MIDEAS: variants seen among roughly 807,000 people sequenced by gnomAD.
The protein encoded by MIDEAS is mitotic deacetylase-associated SANT domain protein.
MIDEAS carries 26 observed loss-of-function variants against 102.7 expected under a neutral mutation model. The observed-to-expected ratio is 0.25, with a 90% CI of 0.19 to 0.35. The LOEUF is 0.35. MIDEAS is among the 10% of genes least tolerant of loss of function. MIDEAS has a pLI of 1.00. For synonymous variants in MIDEAS, 585 were observed against 591.0 expected, an observed-to-expected ratio of 0.99 and a Z score of 0.15; for missense variants, 1,231 against 1,435.6, an observed-to-expected ratio of 0.86 and a Z score of 2.30.
At position 73,725,382 on chromosome 14, in the gene MIDEAS, AG is replaced by A. The variant is rs772554353; in HGVS notation, c.2486-23del. The A allele has an allele frequency of 6.2e-7, 1 of 1,607,846 alleles. No homozygotes were observed. Among genetic ancestry groups the A allele is most frequent in the East Asian group, 2.2e-5 (1 of 44,820 alleles). ...GAGCCTATGGGGCAAAGAGGCAGCC[AG>A]GGAGTGAGGTGGGCAGGGCCCTGGC... On this transcript the variant is annotated intron_variant, in intron 8 of 12. Coordinates refer to ENST00000423556, the MANE Select transcript of MIDEAS (RefSeq NM_001367710.1). The surrounding 1 kb of genome is among the most constrained non-coding windows in gnomAD (Gnocchi z 4.1).
At chr14:73,758,711 A>G (rs1418106098) in intron 1 of MIDEAS, 3 of 154,468 alleles carry the variant, frequency 1.9e-5, no homozygotes, top group Non-Finnish European at 4.4e-5. Flanking sequence ...AATGGGGCAT[A>G]TAACTTCCCC....
At chr14:73,756,848 C>T (rs551899460) in intron 1 of MIDEAS, among the ~76,000 whole-genome samples, 11 of 152,192 alleles carry the variant, frequency 7.2e-5, no homozygotes, top group Non-Finnish European at 1.5e-4. Context: ...CCAGAATCAC[C>T]CACGGTGGAC....
At chr14:73,752,836 C>T (rs1719445082) in intron 1 of MIDEAS, among the ~76,000 whole-genome samples, 1 of 152,216 alleles carries the variant, frequency 6.6e-6, no homozygotes, top group Admixed American at 6.5e-5. Context: ...GAAATACACC[C>T]AGAGGCCTTT....
intron 1 of MIDEAS, among the ~76,000 whole-genome samples, chr14:73,753,526 T>C (rs1595282074): frequency 6.6e-6 from 1 of 152,180 alleles, no homozygotes; most frequent in South Asian, 2.1e-4. Context: ...AGGTAATACA[T>C]AGATGAAGCG....
rs534509090 is a variant in MIDEAS, at chr14:73,718,929, G to T, written c.3214C>A (p.Leu1072Met). ...EQEKKAAALR[L>M]KEKEAAAAAA... ...GCAGCAGCGGCCTCTTTCTCCTTCA[G>T]CCTCAGCGCTGCAGCCTTCTTCTCC... Residue 1072 changes from leucine to methionine, a missense_variant, in exon 13 of 13, where the codon CTG (leucine) becomes ATG (methionine). By Grantham distance (15) the Leu-to-Met change is conservative. Transcript: ENST00000423556. The T allele has an allele frequency of 2.0e-6, 3 of 1,526,642 alleles. No homozygotes were observed. Among genetic ancestry groups the T allele is most frequent in the East Asian group, 4.9e-5 (2 of 40,462 alleles). 94.6% of individuals were successfully genotyped at this position (1,526,642 alleles called of 1,614,324 possible). A position where few individuals can be genotyped will look rare whatever the true frequency, so the allele number is the denominator to read the frequency against.
chr14:73,774,465 C>G (rs1476246334), intron 1 of MIDEAS, among the ~76,000 whole-genome samples: 1 of 151,900 alleles, frequency 6.6e-6, no homozygotes, highest in East Asian at 1.9e-4. Context: ...AGCTCTGTCT[C>G]TGTGTGAAGC....
At chr14:73,757,392 A>T (rs1430691469) in intron 1 of MIDEAS, among the ~76,000 whole-genome samples, 1 of 151,848 alleles carries the variant, frequency 6.6e-6, no homozygotes, top group Non-Finnish European at 1.5e-5. Flanking sequence ...ACGTATACTA[A>T]CTCACAGAAT....
chr14:73,743,008 C>T (rs1431715961), intron 1 of MIDEAS, among the ~76,000 whole-genome samples: 5 of 152,110 alleles, frequency 3.3e-5, no homozygotes, highest in Admixed American at 2.6e-4. Flanking sequence ...TACAGGTTAG[C>T]TAGATGAGGC....
rs537476131 is a variant in MIDEAS at position 73,765,530 on chromosome 14, G to A, written c.-248+21572C>T. On this transcript the variant is annotated intron_variant, in intron 1 of 11. Coordinates refer to the MIDEAS transcript ENST00000394071. ...CACTTTACCATCCACACTGCCATCA[G>A]AGTGATCACACCTCTCTTCAGTAGC... Among the ~76,000 whole-genome samples the A allele has an allele frequency of 3.3e-5, 5 of 152,212 alleles. No homozygotes were observed. In the South Asian group the frequency reaches 8.3e-4, roughly 25 times the overall value.
intron 9 of MIDEAS, chr14:73,723,188 A>C (rs1037927517): frequency 5.9e-6 from 1 of 170,464 alleles, no homozygotes; most frequent in African/African-American, 2.4e-5. Flanking sequence ...TCTGTCACTC[A>C]GGCTGGAGTG....
intron 1 of MIDEAS, among the ~76,000 whole-genome samples, chr14:73,767,455 G>A (rs1261978304): frequency 8.5e-5 from 13 of 152,136 alleles, no homozygotes; most frequent in African/African-American, 2.9e-4. Flanking sequence ...TGGGCAACAC[G>A]GCAAGACCTG....
In MIDEAS at chr14:73,739,226, C is replaced by CTGCTGCTGCTGCTGCTGCTGTGGT. The variant is rs754153935; in HGVS notation, c.759_782dup (p.Pro254_Gln261dup). 1.9e-6 allele frequency: 3 copies of CTGCTGCTGCTGCTGCTGCTGTGGT among 1,606,806 alleles called. No individual in the cohort carries two copies. Among genetic ancestry groups the CTGCTGCTGCTGCTGCTGCTGTGGT allele is most frequent in the Admixed American group, 1.7e-5 (1 of 59,768 alleles). On this transcript the variant is annotated inframe_insertion, in exon 2 of 13. Coordinates refer to ENST00000423556, the MANE Select transcript of MIDEAS (RefSeq NM_001367710.1). ...GCGGCATCTGGGGTAGGGCTGCCTG[C>CTGCTGCTGCTGCTGCTGCTGTGGT]TGCTGCTGCTGCTGCTGCTGTGGTT...
chr14:73,780,451 G>A (rs186424973), intron 1 of MIDEAS, among the ~76,000 whole-genome samples: 5 of 152,310 alleles, frequency 3.3e-5, no homozygotes, highest in East Asian at 1.9e-4. Context: ...GACCTTCCCC[G>A]TCATGGTTTA....
rs773067122 is a variant in MIDEAS, at chr14:73,739,045, G to A, written c.964C>T (p.Arg322Cys). The A allele has an allele frequency of 1.0e-5, 16 of 1,557,576 alleles. No individual in the cohort carries two copies. Among genetic ancestry groups the A allele is most frequent in the Non-Finnish European group, 1.1e-5 (13 of 1,149,528 alleles). ...GCTGAGTCCTGCAGAAGGGCCTTGC[G>A]CAGTTCTGGGTTCATATCTGGGTTG... is the stretch of plus-strand genomic sequence containing the variant. Reference protein sequence around the residue: ...PPNPDMNPELRKALLQDSAPQ... With the variant: ...PPNPDMNPELCKALLQDSAPQ... The change falls in exon 2 of 13, where the codon CGC becomes TGC. Residue 322 changes from arginine (R) to cysteine (C), a missense_variant. Coordinates refer to ENST00000423556, the MANE Select transcript of MIDEAS (RefSeq NM_001367710.1).
intron 1 of MIDEAS, among the ~76,000 whole-genome samples, chr14:73,768,475 C>T (rs1230219582): frequency 6.6e-6 from 1 of 150,904 alleles, no homozygotes; most frequent in East Asian, 1.9e-4. Context: ...ATTTGACTCA[C>T]ATATTATGTT....
chr14:73,753,295 C>T (rs2053444124), intron 1 of MIDEAS, among the ~76,000 whole-genome samples: 1 of 152,180 alleles, frequency 6.6e-6, no homozygotes, highest in Non-Finnish European at 1.5e-5. Flanking sequence ...ACCAGCCAGT[C>T]TAATGGTGCC....
At chr14:73,779,570 A>AT (rs774103102) in intron 1 of MIDEAS, among the ~76,000 whole-genome samples, 8,965 of 59,424 alleles carry the variant, frequency 0.15, 764 homozygotes, top group African/African-American at 0.35. Context: ...TATTATTATT[A>AT]TTATTTTTTT....
At chr14:73,769,082 C>T (rs532462619) in intron 1 of MIDEAS, among the ~76,000 whole-genome samples, 24 of 152,342 alleles carry the variant, frequency 1.6e-4, no homozygotes, top group African/African-American at 5.1e-4. Context: ...CCCCCTCCAG[C>T]TCTAACAGCC....
chr14:73,762,601 G>A (rs1165757089), upstream of MIDEAS, among the ~76,000 whole-genome samples: 3 of 152,216 alleles, frequency 2.0e-5, no homozygotes, highest in South Asian at 2.1e-4. Context: ...AAGCTGCAGC[G>A]CTTCCGGGAA....
Sources: allele counts gnomAD v4.1 joint callset (sites outside exome capture counted in the v4.1 genomes callset), GRCh38; gene constraint gnomAD v4.1.1; non-coding constraint Gnocchi (gnomAD v3.1); transcripts MANE v1.5; gene names NCBI Gene and HGNC (gene_info 2026-07-23, HGNC 2026-07-21).